Variants in ITGA11 observed in about 807,000 individuals in gnomAD.
ITGA11 encodes integrin subunit alpha 11.
ITGA11 carries 97 observed loss-of-function variants against 141.9 expected under a neutral mutation model. That is an observed-to-expected ratio of 0.68 (90% CI 0.58 to 0.81). The LOEUF (loss-of-function observed/expected upper bound fraction) is 0.81. Ranked by LOEUF, ITGA11 falls within the 30% of genes least tolerant of loss-of-function variation. The pLI is 0.00. For missense variants in ITGA11, 1,387 were observed against 1,559.2 expected (o/e 0.89, Z 1.86); for synonymous variants, 658 against 624.6 (o/e 1.05, Z -0.80).
chr15:68,431,102 A>G (rs1897259099), intron 1 of ITGA11, among the ~76,000 whole-genome samples: 1 of 152,128 alleles, frequency 6.6e-6, no homozygotes, highest in Non-Finnish European at 1.5e-5. Flanking sequence ...GAACAGCATC[A>G]CTGGCAGCCG....
At chr15:68,313,957 C>T (rs1893484885) in intron 22 of ITGA11, 89 bp from the exon 23 acceptor site, 1 of 1,014,710 alleles carries the variant, frequency 9.9e-7, no homozygotes, top group African/African-American at 1.6e-5. Context: ...GGAAGGAGCA[C>T]ACTGGCTTAT....
At chr15:68,416,240 T>C (rs1196570504) in intron 1 of ITGA11, among the ~76,000 whole-genome samples, 1 of 152,182 alleles carries the variant, frequency 6.6e-6, no homozygotes, top group Non-Finnish European at 1.5e-5. Context: ...TGAGGAAGAA[T>C]TCTCCAAATC....
intron 10 of ITGA11, among the ~76,000 whole-genome samples, chr15:68,346,529 G>A (rs1285517221): frequency 2.6e-5 from 4 of 152,182 alleles, no homozygotes; most frequent in Non-Finnish European, 5.9e-5. Flanking sequence ...TTTCTTTAAT[G>A]TACCTGGTAC....
At position 68,328,245 on chromosome 15, in the gene ITGA11, T is replaced by C. The variant is rs1424136910; in HGVS notation, c.1919A>G (p.Gln640Arg). 1.9e-6 allele frequency: 3 copies of C among 1,613,618 alleles called. No individual in the cohort carries two copies. The highest frequency in any genetic ancestry group is 1.3e-5 in the African/African-American group (1 of 74,888). ...CTCAAAGTGGAGGCTGGCATTGATC[T>C]GAACCACTGGGCGGGACCTGGAGGA... ...AVILWSRPVV[Q>R]INASLHFEPS... is the part of the protein sequence containing the mutation. The change falls in exon 16 of 30, where the codon CAG becomes CGG. Residue 640 changes from glutamine (Q) to arginine (R), a missense_variant. By Grantham distance (43) the Gln-to-Arg change is conservative (BLOSUM62 1). Coordinates refer to ENST00000315757, the MANE Select transcript of ITGA11 (RefSeq NM_001004439.2). This position sits in a 1 kb window ranked among gnomAD's most constrained non-coding sequence, Gnocchi z 4.8.
chr15:68,423,097 G>C (rs1034672445), intron 1 of ITGA11, among the ~76,000 whole-genome samples: 4 of 152,200 alleles, frequency 2.6e-5, no homozygotes, highest in Non-Finnish European at 1.5e-5. Context: ...TGGACAGAGA[G>C]TTCTTTGGTT....
At chr15:68,404,733 T>C (rs1422314915) in intron 1 of ITGA11, among the ~76,000 whole-genome samples, 1 of 152,176 alleles carries the variant, frequency 6.6e-6, no homozygotes, top group South Asian at 2.1e-4. Context: ...ATTTTCAGGA[T>C]ACATCTGGCC....
intron 2 of ITGA11, among the ~76,000 whole-genome samples, chr15:68,398,764 T>C (rs1292428020): frequency 6.8e-6 from 1 of 147,824 alleles, no homozygotes. Context: ...ACTATATTCA[T>C]AGTATAAAAT....
intron 11 of ITGA11, among the ~76,000 whole-genome samples, chr15:68,336,997 G>C (rs189904472): frequency 6.6e-6 from 1 of 152,204 alleles, no homozygotes; most frequent in African/African-American, 2.4e-5. Context: ...GACCTCACAA[G>C]GGGTGGCTAA....
chr15:68,357,459 G>A (rs74839540), intron 6 of ITGA11, among the ~76,000 whole-genome samples, 160 bp from the exon 7 acceptor site: 1 of 152,336 alleles, frequency 6.6e-6, no homozygotes, highest in Non-Finnish European at 1.5e-5. Context: ...CCAAAGGGAA[G>A]TGAGTTCTGC....
intron 21 of ITGA11, 58 bp downstream of exon 21, chr15:68,317,207 C>A: frequency 7.9e-7 from 1 of 1,267,200 alleles, no homozygotes; most frequent in Non-Finnish European, 1.2e-6. Context: ...CCTCCCCAAA[C>A]TACCTGTGCC....
intron 3 of ITGA11, among the ~76,000 whole-genome samples, chr15:68,368,390 G>A (rs1382666028): frequency 6.6e-6 from 1 of 152,254 alleles, no homozygotes; most frequent in East Asian, 1.9e-4. Context: ...TGACCTTTAG[G>A]ACAAGTGGGA....
At chr15:68,358,142 C>G (rs1377080717) in intron 6 of ITGA11, among the ~76,000 whole-genome samples, 1 of 152,190 alleles carries the variant, frequency 6.6e-6, no homozygotes, top group Non-Finnish European at 1.5e-5. Context: ...TCCCCTGTGC[C>G]CCACTCGACA....
At chr15:68,398,045 A>G (rs1208616705) in intron 2 of ITGA11, among the ~76,000 whole-genome samples, 8 of 151,612 alleles carry the variant, frequency 5.3e-5, no homozygotes, top group African/African-American at 1.9e-4. Flanking sequence ...GCCGCTGCAA[A>G]ATCATGCCAA....
chr15:68,296,716 T>C lies in ITGA11; in HGVS notation c.*6343A>G, dbSNP rs1344893662. The C allele has an allele frequency of 6.6e-6, 1 of 152,202 alleles. No individual in the cohort carries two copies. Among genetic ancestry groups the C allele is most frequent in the Non-Finnish European group, 1.5e-5 (1 of 68,032 alleles). The allele number at this position is 152,202 out of a possible 1,614,324, so 9.4% of individuals were successfully genotyped here. ...TTATTTACTTTAAATATGGTACTTT[T>C]GTATCCAAAGTTTACATTTTTCTAT... On this transcript the variant is annotated 3_prime_UTR_variant, in exon 30 of 30. Coordinates refer to ENST00000315757, the MANE Select transcript of ITGA11 (RefSeq NM_001004439.2).
chr15:68,317,418 T>C, intron 20 of ITGA11, 55 bp from the exon 21 acceptor site: 3 of 1,237,180 alleles, frequency 2.4e-6, no homozygotes, highest in Non-Finnish European at 3.6e-6. Flanking sequence ...TGGGACCAGG[T>C]CTCGAGGCTC....
chr15:68,339,081 G>C (rs1429982168), intron 11 of ITGA11, among the ~76,000 whole-genome samples: 1 of 152,214 alleles, frequency 6.6e-6, no homozygotes. Context: ...CTTCTGCCTT[G>C]ATTATGAACA....
rs200167081 is a variant in ITGA11 at position 68,312,867 on chromosome 15, C to A, written c.2883-4G>T. 2.5e-6 allele frequency: 4 copies of A among 1,608,288 alleles called. No individual in the cohort carries two copies. Among genetic ancestry groups the A allele is most frequent in the African/African-American group, 1.3e-5 (1 of 74,924 alleles). On this transcript the variant is annotated splice_polypyrimidine_tract_variant and splice_region_variant and intron_variant, in intron 23 of 29. Coordinates refer to ENST00000315757, the MANE Select transcript of ITGA11 (RefSeq NM_001004439.2). ...GTAGTGGCTCAGGCTGCTGCTCCTGCGGAGACAGAGGACAGGGCTGTCGTG... is the reference window on the plus strand; with the variant it reads ...GTAGTGGCTCAGGCTGCTGCTCCTGAGGAGACAGAGGACAGGGCTGTCGTG...
chr15:68,413,614 G>A lies in ITGA11; in HGVS notation c.53-10585C>T, dbSNP rs140687465. On this transcript the variant is annotated intron_variant, in intron 1 of 29. Transcript: ENST00000315757. Reference sequence around the variant, plus strand: ...TGGCTGGATGTCCATTGAGAGCCCCGGTGCCTCTCTGGGCCTCAGCTTCCC... The same window carrying A: ...TGGCTGGATGTCCATTGAGAGCCCCAGTGCCTCTCTGGGCCTCAGCTTCCC... Among the ~76,000 whole-genome samples, 22 of 152,246 alleles carry A rather than the reference G, an allele frequency of 1.4e-4. No homozygotes were observed. In the East Asian group the frequency reaches 2.3e-3, roughly 16 times the overall value.
intron 1 of ITGA11, among the ~76,000 whole-genome samples, chr15:68,413,540 G>A (rs2140427331): frequency 6.6e-6 from 1 of 152,310 alleles, no homozygotes; most frequent in East Asian, 1.9e-4. Context: ...GGAGAAGTTT[G>A]GACTAGGGTG....
Sources: allele counts gnomAD v4.1 joint callset (sites outside exome capture counted in the v4.1 genomes callset), GRCh38; gene constraint gnomAD v4.1.1; non-coding constraint Gnocchi (gnomAD v3.1); transcripts MANE v1.5; gene names NCBI Gene and HGNC (gene_info 2026-07-23, HGNC 2026-07-21).